Variants in PPP2R5C observed in about 807,000 individuals in gnomAD.
PPP2R5C encodes the protein serine/threonine-protein phosphatase 2A 56 kDa regulatory subunit gamma isoform.
A neutral mutation model predicts 68.9 loss-of-function variants in PPP2R5C; 7 were observed. The observed-to-expected ratio is 0.10, with a 90% CI of 0.06 to 0.19. The LOEUF is 0.19. PPP2R5C is among the 10% of genes least tolerant of loss of function. The pLI is 1.00. For missense variants in PPP2R5C, 348 were observed against 641.3 expected, an observed-to-expected ratio of 0.54 and a Z score of 4.94; for synonymous variants, 210 against 222.2, an observed-to-expected ratio of 0.95 and a Z score of 0.49.
rs1350661252 is a variant in PPP2R5C, at chr14:101,882,938, C to G, written c.406-319C>G. 4.1e-6 allele frequency: 1 copy of G among 241,244 alleles called. No individual in the cohort carries two copies. The highest frequency in any genetic ancestry group is 7.9e-6 in the Non-Finnish European group (1 of 126,468). 14.9% of individuals were successfully genotyped at this position (241,244 alleles called of 1,614,324 possible). On this transcript the variant is annotated intron_variant, in intron 3 of 13. Transcript: ENST00000334743. This position sits in a 1 kb window ranked among gnomAD's most constrained non-coding sequence, Gnocchi z 4.9. ...GGCGACAGGCTGCAAATCCCCCCTGCAGAGTTGGGTCATGGCTTGGTTTGT... is the reference window on the plus strand; with the variant it reads ...GGCGACAGGCTGCAAATCCCCCCTGGAGAGTTGGGTCATGGCTTGGTTTGT...
At chr14:101,791,034 C>T in intron 3 of PPP2R5C, among the ~76,000 whole-genome samples, 1 of 151,276 alleles carries the variant, frequency 6.6e-6, no homozygotes, top group Non-Finnish European at 1.5e-5. Context: ...GAGCCGAGAT[C>T]ACACCACTGC....
At chr14:101,860,322 T>G (rs1288267033) in intron 2 of PPP2R5C, among the ~76,000 whole-genome samples, 1 of 152,222 alleles carries the variant, frequency 6.6e-6, no homozygotes, top group Non-Finnish European at 1.5e-5. Flanking sequence ...GTGTCCGCCT[T>G]CCTTCACTTA....
intron 13 of PPP2R5C, among the ~76,000 whole-genome samples, chr14:101,918,404 C>T (rs1270736864): frequency 1.7e-5 from 2 of 117,598 alleles, no homozygotes; most frequent in Non-Finnish European, 3.6e-5. Context: ...CCTTGCCCCT[C>T]CCCCCTTGCC....
intron 2 of PPP2R5C, chr14:101,765,275 A>G: frequency 1.4e-6 from 1 of 702,764 alleles, no homozygotes; most frequent in Non-Finnish European, 2.6e-6. Flanking sequence ...TAAGCTTGAC[A>G]CTTGGCAGAT....
At chr14:101,845,523 G>A (rs1282916834) in intron 1 of PPP2R5C, among the ~76,000 whole-genome samples, 1 of 151,328 alleles carries the variant, frequency 6.6e-6, no homozygotes, top group Non-Finnish European at 1.5e-5. Context: ...TGGGCGGAAA[G>A]CATGAATGAA....
chr14:101,787,041 C>T (rs1401234791), intron 3 of PPP2R5C, among the ~76,000 whole-genome samples: 2 of 152,108 alleles, frequency 1.3e-5, no homozygotes, highest in East Asian at 3.9e-4. Flanking sequence ...CACTTGAGCC[C>T]AGGAGTTCGA....
At chr14:101,824,328 T>A in intron 1 of PPP2R5C, 1 of 482,130 alleles carries the variant, frequency 2.1e-6, no homozygotes, top group Non-Finnish European at 3.2e-6. Flanking sequence ...TGTTTTAGTG[T>A]AGACATTTGT....
At position 101,781,295 on chromosome 14, in the gene PPP2R5C, A is replaced by C. The variant is rs2037673276; in HGVS notation, c.94-4723A>C. ...TCCCGGGACCCTGGCTTCTGTCCTCAGGGACCCCTTCAGACCTTCCCCACC... is the reference window on the plus strand; with the variant it reads ...TCCCGGGACCCTGGCTTCTGTCCTCCGGGACCCCTTCAGACCTTCCCCACC... On this transcript the variant is annotated intron_variant, in intron 2 of 14. Transcript: ENST00000328724. The surrounding 1 kb of genome is among the most constrained non-coding windows in gnomAD (Gnocchi z 6.4). Among the ~76,000 whole-genome samples, 1 of 152,146 alleles carries C rather than the reference A, an allele frequency of 6.6e-6. No homozygotes were observed. Among genetic ancestry groups the C allele is most frequent in the African/African-American group, 2.4e-5 (1 of 41,424 alleles).
chr14:101,813,408 A>G (rs1402066258), intron 1 of PPP2R5C, among the ~76,000 whole-genome samples: 2 of 152,244 alleles, frequency 1.3e-5, no homozygotes, highest in Non-Finnish European at 2.9e-5. Context: ...CCCATGGACC[A>G]TAGTTCACCA....
At chr14:101,883,888 A>AC (rs907187683) in intron 5 of PPP2R5C, among the ~76,000 whole-genome samples, 8 of 152,302 alleles carry the variant, frequency 5.3e-5, no homozygotes, top group Non-Finnish European at 1.2e-4. Flanking sequence ...TTCCATCCAG[A>AC]CCAACTGTAT....
intron 2 of PPP2R5C, 104 bp downstream of exon 4, chr14:101,856,989 C>T: frequency 9.1e-7 from 1 of 1,100,762 alleles, no homozygotes. Flanking sequence ...AAGAATCCTC[C>T]TGTTCCAGAA....
Position 101,922,212 on chromosome 14 carries a change from G to C in PPP2R5C, c.1444-2929G>C, listed in dbSNP as rs551202851. 8.1e-6 allele frequency: 8 copies of C among 982,922 alleles called. No individual in the cohort carries two copies. In the South Asian group the frequency reaches 3.8e-4, roughly 46 times the overall value. The allele number at this position is 982,922 out of a possible 1,614,324, so 60.9% of individuals were successfully genotyped here. Reference sequence around the variant, plus strand: ...AAGAAATTTGGCAGCTGGGAGGCCGGGCACAATGGCAGATGCCTGTAATCC... The same window carrying C: ...AAGAAATTTGGCAGCTGGGAGGCCGCGCACAATGGCAGATGCCTGTAATCC... On this transcript the variant is annotated intron_variant, in intron 13 of 13. Transcript: ENST00000334743.
chr14:101,904,721 T>C (rs2045926262), intron 9 of PPP2R5C, among the ~76,000 whole-genome samples: 1 of 152,198 alleles, frequency 6.6e-6, no homozygotes. Flanking sequence ...TCAGGATCTC[T>C]AAGCTGTAGG....
rs77302955 is a variant in PPP2R5C at position 101,796,986 on chromosome 14, G to A, written c.259+10803G>A. ...TTAACCATTCATAAGTGTACAACTCGGTGGTATTAGATACATTCAAAATGC... is the reference window on the plus strand; with the variant it reads ...TTAACCATTCATAAGTGTACAACTCAGTGGTATTAGATACATTCAAAATGC... On this transcript the variant is annotated intron_variant, in intron 3 of 14. Transcript: ENST00000328724. 2,475 of 352,924 alleles carry A rather than the reference G, an allele frequency of 7.0e-3. 53 individuals are homozygous for A. Among genetic ancestry groups the A allele is most frequent in the African/African-American group, 0.048 (2,260 of 46,856 alleles). 21.9% of individuals were successfully genotyped at this position (352,924 alleles called of 1,614,324 possible).
At chr14:101,761,516 T>C (rs1366242285), upstream of PPP2R5C, among the ~76,000 whole-genome samples, 2 of 137,062 alleles carry the variant, frequency 1.5e-5, no homozygotes, top group Admixed American at 7.1e-5. Context: ...GCGGGGAGCG[T>C]TAGGGTACGT....
At chr14:101,895,065 G>T (rs559243019) in intron 8 of PPP2R5C, among the ~76,000 whole-genome samples, 1 of 152,066 alleles carries the variant, frequency 6.6e-6, no homozygotes, top group Non-Finnish European at 1.5e-5. Context: ...GCGTGGATCT[G>T]TAATTTTTTT....
At chr14:101,788,218 G>T (rs777149711) in intron 3 of PPP2R5C, among the ~76,000 whole-genome samples, 46 of 152,210 alleles carry the variant, frequency 3.0e-4, no homozygotes, top group Non-Finnish European at 4.4e-4. Flanking sequence ...AAGGTTGGCC[G>T]TGTGCCCCAT....
intron 1 of PPP2R5C, among the ~76,000 whole-genome samples, chr14:101,810,601 A>G (rs934801493): frequency 2.0e-5 from 3 of 152,216 alleles, no homozygotes; most frequent in South Asian, 4.1e-4. Context: ...ATTGAAATCT[A>G]TCGTGGGTCA....
intron 1 of PPP2R5C, among the ~76,000 whole-genome samples, chr14:101,850,603 G>C (rs951049970): frequency 6.6e-6 from 1 of 152,130 alleles, no homozygotes; most frequent in Non-Finnish European, 1.5e-5. Context: ...GTGAAAACGT[G>C]AGGAGGGACC....
Sources: gnomAD v4.1 joint callset for allele counts (sites outside exome capture counted in the v4.1 genomes callset) on GRCh38, gnomAD v4.1.1 for gene constraint, Gnocchi (gnomAD v3.1) non-coding constraint, MANE v1.5 for transcripts, NCBI Gene and HGNC (gene_info 2026-07-23, HGNC 2026-07-21) for gene names.